The following MYO6 variants were observed in gnomAD, a reference collection of about 807,000 sequenced individuals.
MYO6 encodes the protein myosin VI.
Under a neutral mutation model 178.7 loss-of-function variants are expected in MYO6, and 74 were observed. That is an observed-to-expected ratio of 0.41 (90% CI 0.34 to 0.50). The LOEUF (loss-of-function observed/expected upper bound fraction) is 0.50, where lower values mean the gene tolerates loss of function less well. MYO6 is among the 20% of genes least tolerant of loss of function. The pLI, the probability that MYO6 is intolerant of heterozygous loss-of-function variation, is 0.09. For missense variants in MYO6, 1,330 were observed against 1,547.4 expected, an observed-to-expected ratio of 0.86 and a Z score of 2.36; for synonymous variants, 477 against 504.6, an observed-to-expected ratio of 0.95 and a Z score of 0.73.
intron 10 of MYO6, among the ~76,000 whole-genome samples, chr6:75,846,593 G>A (rs566692954): frequency 4.5e-4 from 68 of 152,194 alleles, no homozygotes; most frequent in African/African-American, 1.6e-3. Context: ...CTTTTAAGAA[G>A]CAACATTAAT....
intron 4 of MYO6, among the ~76,000 whole-genome samples, chr6:75,828,866 G>A (rs1307798070): frequency 1.3e-5 from 2 of 151,984 alleles, no homozygotes; most frequent in Non-Finnish European, 1.5e-5. Context: ...TCAGAGTGTC[G>A]TTTAATATCT....
At chr6:75,776,169 A>G (rs1766366635) in intron 1 of MYO6, among the ~76,000 whole-genome samples, 3 of 152,180 alleles carry the variant, frequency 2.0e-5, no homozygotes, top group Admixed American at 2.0e-4. Flanking sequence ...AGGGCCTAGT[A>G]CTTTTCCCTG....
chr6:75,805,019 A>ATTTTTTT (rs1285917454), intron 1 of MYO6, among the ~76,000 whole-genome samples: 35 of 61,340 alleles, frequency 5.7e-4, no homozygotes, highest in African/African-American at 1.3e-3. Flanking sequence ...ATATATATAT[A>ATTTTTTT]TATTTTTTTT....
At chr6:75,892,769 G>T in intron 28 of MYO6, 79 bp downstream of exon 28, 1 of 1,458,054 alleles carries the variant, frequency 6.9e-7, no homozygotes, top group Non-Finnish European at 9.4e-7. Flanking sequence ...CCATGCAGAA[G>T]GGAATAGGAG....
intron 10 of MYO6, among the ~76,000 whole-genome samples, chr6:75,845,811 C>A (rs1001019026): frequency 1.6e-4 from 24 of 151,570 alleles, no homozygotes; most frequent in African/African-American, 5.8e-4. Context: ...ATGATGAGAC[C>A]CTGTCTCTAC....
intron 13 of MYO6, 98 bp downstream of exon 13, chr6:75,857,352 T>G: frequency 8.2e-7 from 1 of 1,217,344 alleles, no homozygotes; most frequent in Non-Finnish European, 1.2e-6. Context: ...CTCATTTTAC[T>G]TGATGTATGT....
chr6:75,866,540 T>C lies in MYO6; in HGVS notation c.1689T>C (p.Ser563=). The stretch of plus-strand genomic sequence containing the variant: ...TTGTTTTTCAGATTCCCAGAAAATC[T>C]AAGCTGGCAGTTCATAGGAATATCA... ...DHFRLTIPRK[S]KLAVHRNIRD... is the part of the protein sequence containing the mutation. The change falls in exon 17 of 35, where the codon TCT becomes TCC. Residue 563 remains serine, a synonymous_variant. Transcript: ENST00000369977. 1 of 1,613,696 alleles carries C rather than the reference T, an allele frequency of 6.2e-7. No individual in the cohort carries two copies. Among genetic ancestry groups the C allele is most frequent in the East Asian group, 2.2e-5 (1 of 44,882 alleles).
At position 75,790,446 on chromosome 6, in the gene MYO6, C is replaced by T. The variant is rs558135298; in HGVS notation, c.-47-27055C>T. On this transcript the variant is annotated intron_variant, in intron 1 of 34. Coordinates refer to ENST00000369977, the MANE Select transcript of MYO6 (RefSeq NM_004999.4). Reference sequence around the variant, plus strand: ...AGGCTGGAGTGCAGTGGCACGATCTCGGCTCACTCACTGCAACCTCCGCCT... The same window carrying T: ...AGGCTGGAGTGCAGTGGCACGATCTTGGCTCACTCACTGCAACCTCCGCCT... Among the ~76,000 whole-genome samples, 6 of 150,956 alleles carry T rather than the reference C, an allele frequency of 4.0e-5. No individual in the cohort carries two copies. The South Asian group carries it at 6.3e-4, about 16-fold the overall frequency.
intron 3 of MYO6, among the ~76,000 whole-genome samples, chr6:75,825,481 T>G (rs1217801087): frequency 6.6e-6 from 1 of 151,870 alleles, no homozygotes; most frequent in Non-Finnish European, 1.5e-5. Flanking sequence ...TAATCCCAAC[T>G]ACTTGGGAGG....
intron 1 of MYO6, among the ~76,000 whole-genome samples, chr6:75,816,459 G>A (rs887509329): frequency 4.6e-5 from 7 of 152,160 alleles, no homozygotes; most frequent in South Asian, 2.1e-4. Flanking sequence ...CTCCTGCCTC[G>A]GCCTCTCAAA....
At chr6:75,858,695 C>G (rs375881353) in intron 13 of MYO6, among the ~76,000 whole-genome samples, 5 of 152,250 alleles carry the variant, frequency 3.3e-5, no homozygotes, top group East Asian at 3.9e-4. Flanking sequence ...TATTTGTCAA[C>G]TGAAGCAGGG....
At chr6:75,809,994 G>T (rs1158309098) in intron 1 of MYO6, among the ~76,000 whole-genome samples, 2 of 149,356 alleles carry the variant, frequency 1.3e-5, no homozygotes, top group Non-Finnish European at 3.0e-5. Context: ...TGAGGCAGGA[G>T]AATTGCTTGA....
intron 1 of MYO6, among the ~76,000 whole-genome samples, chr6:75,779,591 A>C (rs946361371): frequency 6.6e-6 from 1 of 152,162 alleles, no homozygotes; most frequent in South Asian, 2.1e-4. Context: ...GTTGTCTTTC[A>C]TTTTTGATAC....
chr6:75,857,131 C>T lies in MYO6; in HGVS notation c.1258C>T (p.Arg420Cys), dbSNP rs763800383. 7 of 1,614,000 alleles carry T rather than the reference C, an allele frequency of 4.3e-6. No individual in the cohort carries two copies. Among genetic ancestry groups the T allele is most frequent in the South Asian group, 3.3e-5 (3 of 91,080 alleles). Reference sequence around the variant, plus strand: ...GAAAGTGGAGCAAGCAAACAATGCTCGTGATGCCCTGGCAAAGACAGTGTA... The same window carrying T: ...GAAAGTGGAGCAAGCAAACAATGCTTGTGATGCCCTGGCAAAGACAGTGTA... Reference protein sequence around the residue: ...PLKVEQANNARDALAKTVYSH... With the variant: ...PLKVEQANNACDALAKTVYSH... The change falls in exon 13 of 35, where the codon CGT becomes TGT. Residue 420 changes from arginine to cysteine, a missense_variant. By Grantham distance (180) the Arg-to-Cys change is radical (BLOSUM62 -3). This residue lies in a region of MYO6 where 613 missense variants were observed against 816.8 expected (regional missense o/e 0.75). Coordinates refer to ENST00000369977, the MANE Select transcript of MYO6 (RefSeq NM_004999.4).
At chr6:75,850,909 T>A (rs1212441702) in intron 11 of MYO6, among the ~76,000 whole-genome samples, 1 of 151,600 alleles carries the variant, frequency 6.6e-6, no homozygotes, top group African/African-American at 2.4e-5. Flanking sequence ...AAAAAAAAAT[T>A]CAAGCAAAAT....
At chr6:75,794,630 G>C (rs1768593102) in intron 1 of MYO6, among the ~76,000 whole-genome samples, 1 of 151,404 alleles carries the variant, frequency 6.6e-6, no homozygotes, top group Non-Finnish European at 1.5e-5. Context: ...ACCTAGGAGC[G>C]AGCAGTGAAG....
intron 3 of MYO6, among the ~76,000 whole-genome samples, chr6:75,823,484 A>C (rs1028607717): frequency 1.3e-5 from 2 of 152,196 alleles, no homozygotes; most frequent in Non-Finnish European, 2.9e-5. Context: ...GATTTCATTA[A>C]AGGTACTTGA....
chr6:75,892,711 G>A (rs930114878), intron 28 of MYO6, 21 bp downstream of exon 28: 4 of 1,611,586 alleles, frequency 2.5e-6, no homozygotes, highest in Admixed American at 1.7e-5. Flanking sequence ...CCCTGGGTGG[G>A]GTATAGCGCT....
intron 1 of MYO6, among the ~76,000 whole-genome samples, chr6:75,794,765 A>G (rs1220821391): frequency 6.6e-6 from 1 of 150,430 alleles, no homozygotes; most frequent in African/African-American, 2.5e-5. Context: ...AAAAAATAAA[A>G]TGTGCTCTTT....
Sources: allele counts gnomAD v4.1 joint callset (sites outside exome capture counted in the v4.1 genomes callset), GRCh38; gene constraint gnomAD v4.1.1; regional missense constraint gnomAD v4.1.1; transcripts MANE v1.5; gene names NCBI Gene and HGNC (gene_info 2026-07-23, HGNC 2026-07-21).